MCC: variants seen among roughly 807,000 people sequenced by gnomAD.
The protein encoded by MCC is colorectal mutant cancer protein.
Under a neutral mutation model 116.2 loss-of-function variants are expected in MCC, and 90 were observed. That is an observed-to-expected ratio of 0.77 (90% CI 0.65 to 0.92). MCC has a LOEUF of 0.92. MCC is among the 40% of genes least tolerant of loss of function. The pLI is 0.00. For missense variants in MCC, 1,516 were observed against 1,312.2 expected (o/e 1.16, Z -2.40); for synonymous variants, 578 against 510.5 (o/e 1.13, Z -1.78).
At chr5:113,450,384 C>A (rs1019993278) in intron 1 of MCC, among the ~76,000 whole-genome samples, 3 of 152,144 alleles carry the variant, frequency 2.0e-5, no homozygotes, top group Non-Finnish European at 2.9e-5. Flanking sequence ...TAGCTATGGG[C>A]CTCGCCTTGG....
At chr5:113,485,621 G>A (rs924718490) in intron 1 of MCC, among the ~76,000 whole-genome samples, 52 of 152,256 alleles carry the variant, frequency 3.4e-4, no homozygotes, top group African/African-American at 1.2e-3. Context: ...TGGACTATGA[G>A]ATAACCATGA....
chr5:113,240,229 A>C (rs953597825), intron 3 of MCC, among the ~76,000 whole-genome samples: 1 of 152,100 alleles, frequency 6.6e-6, no homozygotes, highest in Non-Finnish European at 1.5e-5. Flanking sequence ...GGTGTTGAAA[A>C]CTTGACCCAA....
intron 1 of MCC, among the ~76,000 whole-genome samples, chr5:113,442,407 CAGAT>C (rs1266061542): frequency 6.6e-6 from 1 of 152,052 alleles, no homozygotes; most frequent in African/African-American, 2.4e-5. Flanking sequence ...AGCCCTTTGT[CAGAT>C]AGATAGATTG....
chr5:113,243,047 T>A (rs1279560827), intron 3 of MCC, among the ~76,000 whole-genome samples: 1 of 152,218 alleles, frequency 6.6e-6, no homozygotes, highest in African/African-American at 2.4e-5. Flanking sequence ...AAATATCCAA[T>A]GTAGTGGTCT....
intron 15 of MCC, among the ~76,000 whole-genome samples, chr5:113,051,157 G>C (rs931531599): frequency 1.2e-4 from 19 of 152,036 alleles, no homozygotes; most frequent in Non-Finnish European, 1.3e-4. Flanking sequence ...TCTAAACATA[G>C]AACCACTCTG....
Position 113,386,754 on chromosome 5 carries a change from C to CATATATATATATATATATAT in MCC, c.171-1562_171-1543dup, listed in dbSNP as rs10673164. Among the ~76,000 whole-genome samples, 715 of 140,890 alleles carry CATATATATATATATATATAT rather than the reference C, an allele frequency of 5.1e-3. 5 individuals are homozygous for CATATATATATATATATATAT. Among genetic ancestry groups the CATATATATATATATATATAT allele is most frequent in the East Asian group, 0.014 (66 of 4,764 alleles). The allele number at this position is 140,890 out of a possible 152,430, so 92.4% of individuals were successfully genotyped here. ...TGTGTGTCTGTGTCCATATGTATAT[C>CATATATATATATATATATAT]ATATATATATATATATATATGCCTC... On this transcript the variant is annotated intron_variant, in intron 1 of 18. Coordinates refer to ENST00000408903, the MANE Select transcript of MCC (RefSeq NM_001085377.2).
Position 113,488,432 on chromosome 5 carries a change from G to A in MCC, c.-18C>T, listed in dbSNP as rs368367275. The A allele has an allele frequency of 7.1e-7, 1 of 1,399,546 alleles. No homozygotes were observed. The highest frequency in any genetic ancestry group is 2.9e-5 in the East Asian group (1 of 34,168). The allele number at this position is 1,399,546 out of a possible 1,614,324, so 86.7% of individuals were successfully genotyped here. On this transcript the variant is annotated 5_prime_UTR_variant, in exon 1 of 19. Transcript: ENST00000408903. ...GCCATCATGCGCCCGCTCCCTACTT[G>A]GGAGGAGGAGTACGCGCGACCGCAG...
intron 1 of MCC, among the ~76,000 whole-genome samples, chr5:113,430,792 T>A (rs1770615675): frequency 6.6e-6 from 1 of 152,054 alleles, no homozygotes; most frequent in Non-Finnish European, 1.5e-5. Flanking sequence ...GTGGTCAGCG[T>A]GAAGAGACTG....
At chr5:113,410,792 T>C (rs1447429902) in intron 1 of MCC, among the ~76,000 whole-genome samples, 2 of 152,174 alleles carry the variant, frequency 1.3e-5, no homozygotes, top group Admixed American at 1.3e-4. Flanking sequence ...GTGTGCGATG[T>C]TCCCTGCCCT....
intron 16 of MCC, among the ~76,000 whole-genome samples, chr5:113,048,054 G>C (rs1269936969): frequency 2.6e-5 from 4 of 152,184 alleles, no homozygotes; most frequent in African/African-American, 9.7e-5. Context: ...CCCGTTAGTG[G>C]ATCTGGGCTA....
chr5:113,090,211 T>C (rs1755505454), intron 8 of MCC, among the ~76,000 whole-genome samples: 1 of 150,898 alleles, frequency 6.6e-6, no homozygotes, highest in African/African-American at 2.4e-5. Flanking sequence ...GGAAAGGAGG[T>C]GAGGACGGGC....
At chr5:113,339,436 T>TGTGTGTGTGC (rs1554077379) in intron 3 of MCC, among the ~76,000 whole-genome samples, 12 of 127,688 alleles carry the variant, frequency 9.4e-5, no homozygotes, top group African/African-American at 3.2e-4. Context: ...TGTGTGTGTG[T>TGTGTGTGTGC]GTGCGTGCAT....
rs1766850906 is a variant in MCC, at chr5:113,301,115, C to A, written c.627+39404G>T. Among the ~76,000 whole-genome samples, 5 of 152,294 alleles carry A rather than the reference C, an allele frequency of 3.3e-5. No homozygotes were observed. The South Asian group carries it at 8.3e-4, about 25-fold the overall frequency. On this transcript the variant is annotated intron_variant, in intron 3 of 18. Transcript: ENST00000408903. ...CAGTGGTGTATGGGATGGAAAAGATCCCTGCTTTCACAGAGCTAGCACTCT... is the reference window on the plus strand; with the variant it reads ...CAGTGGTGTATGGGATGGAAAAGATACCTGCTTTCACAGAGCTAGCACTCT...
intron 11 of MCC, among the ~76,000 whole-genome samples, chr5:113,081,068 G>C (rs1329628471): frequency 6.6e-6 from 1 of 152,140 alleles, no homozygotes; most frequent in Non-Finnish European, 1.5e-5. Flanking sequence ...TGGTGGGTAG[G>C]GATGACCCCC....
intron 5 of MCC, among the ~76,000 whole-genome samples, chr5:113,123,188 A>G (rs554977986): frequency 6.6e-6 from 1 of 152,346 alleles, no homozygotes; most frequent in South Asian, 2.1e-4. Context: ...GAACCAAATA[A>G]CTAAGAGTCT....
At chr5:113,275,686 A>AT (rs1280203295) in intron 3 of MCC, among the ~76,000 whole-genome samples, 1 of 152,228 alleles carries the variant, frequency 6.6e-6, no homozygotes, top group Non-Finnish European at 1.5e-5. Context: ...ACAAGACAGT[A>AT]TAACAACTAT....
chr5:113,446,702 C>A (rs1580386347), intron 1 of MCC, among the ~76,000 whole-genome samples: 1 of 152,126 alleles, frequency 6.6e-6, no homozygotes, highest in South Asian at 2.1e-4. Context: ...ATAGACCCAG[C>A]AATCCCATTA....
chr5:113,079,001 C>G (rs1561787863), intron 11 of MCC, among the ~76,000 whole-genome samples: 1 of 152,204 alleles, frequency 6.6e-6, no homozygotes, highest in Non-Finnish European at 1.5e-5. Context: ...CACAAGCATT[C>G]CTGTACACCA....
chr5:113,358,903 G>C (rs1768477108), intron 2 of MCC, among the ~76,000 whole-genome samples: 1 of 152,148 alleles, frequency 6.6e-6, no homozygotes, highest in Non-Finnish European at 1.5e-5. Flanking sequence ...AGGGCCCCTA[G>C]CATCGTCCAC....
Sources: gnomAD v4.1 joint callset for allele counts (sites outside exome capture counted in the v4.1 genomes callset) on GRCh38, gnomAD v4.1.1 for gene constraint, MANE v1.5 for transcripts, NCBI Gene and HGNC (gene_info 2026-07-23, HGNC 2026-07-21) for gene names.